Variants in SLC11A2 observed in about 807,000 individuals in gnomAD.
The protein encoded by SLC11A2 is solute carrier family 11 member 2.
A neutral mutation model predicts 68.0 loss-of-function variants in SLC11A2; 38 were observed. The observed-to-expected ratio is 0.56, with a 90% confidence interval of 0.43 to 0.73. The LOEUF is 0.73. Ranked by LOEUF, SLC11A2 falls within the 30% of genes least tolerant of loss-of-function variation. SLC11A2 has a pLI of 0.00. For synonymous variants in SLC11A2, 242 were observed against 250.6 expected, an observed-to-expected ratio of 0.97 and a Z score of 0.32; for missense variants, 517 against 690.5, an observed-to-expected ratio of 0.75 and a Z score of 2.82.
At chr12:50,963,346 G>C in the SLC11A2 span, among the ~76,000 whole-genome samples, 1 of 142,374 alleles carries the variant, frequency 7.0e-6, no homozygotes, top group Non-Finnish European at 1.5e-5. Context: ...CTCCAGCCTG[G>C]GTGAAAGGGC....
the SLC11A2 span, among the ~76,000 whole-genome samples, chr12:50,968,384 T>C: frequency 6.6e-6 from 1 of 151,374 alleles, no homozygotes; most frequent in Non-Finnish European, 1.5e-5. Flanking sequence ...ACACTGATTC[T>C]TTTTTTGTGT....
At chr12:50,990,569 G>A (rs1437851338) in intron 15 of SLC11A2, 1 of 531,504 alleles carries the variant, frequency 1.9e-6, no homozygotes, top group African/African-American at 1.9e-5. Context: ...GCTCTTTTGG[G>A]TCTGTTCATT....
chr12:51,000,509 C>G, intron 5 of SLC11A2, 90 bp from the exon 6 acceptor site: 4 of 941,300 alleles, frequency 4.2e-6, no homozygotes, highest in Non-Finnish European at 6.8e-6. Flanking sequence ...TGGCACTAAA[C>G]CATAAACAGT....
chr12:50,997,013 T>C (rs1242968761), intron 8 of SLC11A2, 41 bp from the exon 9 acceptor site: 3 of 1,550,152 alleles, frequency 1.9e-6, no homozygotes, highest in Non-Finnish European at 2.7e-6. Flanking sequence ...TACAGGAACG[T>C]GAAACGGGAG....
downstream of SLC11A2, among the ~76,000 whole-genome samples, chr12:50,984,658 A>AT (rs1940375050): frequency 6.6e-6 from 1 of 152,204 alleles, no homozygotes; most frequent in Non-Finnish European, 1.5e-5. Flanking sequence ...GAGTGAACTT[A>AT]TTAACTAGTA....
upstream of SLC11A2, among the ~76,000 whole-genome samples, chr12:51,026,897 C>T (rs1227826209): frequency 1.3e-5 from 2 of 152,084 alleles, no homozygotes; most frequent in South Asian, 4.1e-4. Flanking sequence ...CAAGCAAAGG[C>T]CGGGCGCGGT....
the SLC11A2 span, among the ~76,000 whole-genome samples, chr12:50,973,687 C>CTA: frequency 6.6e-6 from 1 of 152,166 alleles, no homozygotes; most frequent in Non-Finnish European, 1.5e-5. Context: ...GATCGAATTT[C>CTA]TCCGAGCTAA....
At chr12:50,963,082 A>G in the SLC11A2 span, among the ~76,000 whole-genome samples, 2 of 151,904 alleles carry the variant, frequency 1.3e-5, no homozygotes, top group African/African-American at 4.8e-5. Context: ...AAAAGAAAGG[A>G]AAGTAGGCCA....
At chr12:50,981,786 T>C (rs1359175012), downstream of SLC11A2, 1 of 1,531,308 alleles carries the variant, frequency 6.5e-7, no homozygotes. Flanking sequence ...CAGGCTGAGC[T>C]GTCAATCCCA....
chr12:50,979,410 G>A (rs1939903532), downstream of SLC11A2: 1 of 167,798 alleles, frequency 6.0e-6, no homozygotes, highest in African/African-American at 2.4e-5. Flanking sequence ...CTTTCTATGA[G>A]TTTCACAACA....
In SLC11A2 at chr12:50,987,383, G is replaced by A. The variant is rs781745738; in HGVS notation, c.*942C>T. On this transcript the variant is annotated 3_prime_UTR_variant, in exon 16 of 16. Coordinates refer to ENST00000262052, the MANE Select transcript of SLC11A2 (RefSeq NM_000617.3). ...ATCAGAAAAACATGACGATTCTGCT[G>A]AGAGGTGGCTTTAGGAACAAAATAG... is the stretch of plus-strand genomic sequence containing the variant. 1.6e-6 allele frequency: 2 copies of A among 1,287,212 alleles called. No homozygotes were observed. Among genetic ancestry groups the A allele is most frequent in the East Asian group, 5.5e-5 (1 of 18,026 alleles). The allele number at this position is 1,287,212 out of a possible 1,614,324, so 79.7% of individuals were successfully genotyped here. A position where few individuals can be genotyped will look rare whatever the true frequency, so the allele number is the denominator to read the frequency against.
At chr12:50,959,388 G>A in the SLC11A2 span, among the ~76,000 whole-genome samples, 6 of 152,090 alleles carry the variant, frequency 3.9e-5, no homozygotes, top group Non-Finnish European at 7.4e-5. Context: ...CCAAAGTGCT[G>A]GGATTATAGG....
chr12:50,968,431 G>A, the SLC11A2 span, among the ~76,000 whole-genome samples: 5 of 151,760 alleles, frequency 3.3e-5, no homozygotes, highest in African/African-American at 7.3e-5. Context: ...TCTGTCATCC[G>A]GCTGGCGTGC....
chr12:50,993,817 A>C (rs2136201961), intron 11 of SLC11A2, among the ~76,000 whole-genome samples: 1 of 150,608 alleles, frequency 6.6e-6, no homozygotes, highest in East Asian at 2.0e-4. Context: ...AACAAGAACA[A>C]AACTCCATCT....
At chr12:50,962,374 G>C in the SLC11A2 span, among the ~76,000 whole-genome samples, 1 of 151,862 alleles carries the variant, frequency 6.6e-6, no homozygotes, top group Non-Finnish European at 1.5e-5. Flanking sequence ...TCATGCCTTT[G>C]CACTCCAGCC....
chr12:50,982,854 A>G (rs888755179), downstream of SLC11A2, among the ~76,000 whole-genome samples: 2 of 150,278 alleles, frequency 1.3e-5, no homozygotes, highest in Non-Finnish European at 3.0e-5. Flanking sequence ...GGCAGGAGAA[A>G]CACTTGAATC....
intron 1 of SLC11A2, 68 bp downstream of exon 1, chr12:51,026,242 G>T (rs1008171056): frequency 8.2e-7 from 1 of 1,212,962 alleles, no homozygotes; most frequent in Non-Finnish European, 1.1e-6. Flanking sequence ...ACAGGCCCTC[G>T]AGCCGCCCCG....
At chr12:50,995,506 G>A (rs1308616095) in intron 10 of SLC11A2, 123 bp downstream of exon 10, 26 of 1,043,986 alleles carry the variant, frequency 2.5e-5, no homozygotes, top group Admixed American at 2.4e-4. Flanking sequence ...GGGGGCAGAC[G>A]AGAAGCTAGA....
chr12:51,005,538 GA>G, intron 3 of SLC11A2, 102 bp from the exon 4 acceptor site: 2 of 1,570,128 alleles, frequency 1.3e-6, no homozygotes, highest in Non-Finnish European at 1.7e-6. Flanking sequence ...AGCCTCACAA[GA>G]AAAAAGGATT....
Sources: allele counts gnomAD v4.1 joint callset (sites outside exome capture counted in the v4.1 genomes callset), GRCh38; gene constraint gnomAD v4.1.1; transcripts MANE v1.5; gene names NCBI Gene and HGNC (gene_info 2026-07-23, HGNC 2026-07-21).